GRAMD4: variants seen among roughly 807,000 people sequenced by gnomAD.
The protein encoded by GRAMD4 is GRAM domain-containing protein 4.
A neutral mutation model predicts 83.9 loss-of-function variants in GRAMD4; 25 were observed. That is an observed-to-expected ratio of 0.30 (90% confidence interval 0.22 to 0.42). The LOEUF is 0.42. Ranked by LOEUF, GRAMD4 falls within the 10% of genes least tolerant of loss-of-function variation. The pLI, the probability that GRAMD4 is intolerant of heterozygous loss-of-function variation, is 1.00. For missense variants in GRAMD4, 593 were observed against 788.7 expected (o/e 0.75, Z 2.97); for synonymous variants, 336 against 320.9 (o/e 1.05, Z -0.50).
At chr22:46,609,208 G>C (rs1388747443) in intron 1 of GRAMD4, among the ~76,000 whole-genome samples, 1 of 152,224 alleles carries the variant, frequency 6.6e-6, no homozygotes, top group Non-Finnish European at 1.5e-5. Context: ...CCGCTGAGTG[G>C]CGCTGGTTGC....
Position 46,668,927 on chromosome 22 carries a change from G to A in GRAMD4, c.1084+19G>A, listed in dbSNP as rs181704058. 447 of 1,397,654 alleles carry A rather than the reference G, an allele frequency of 3.2e-4. 2 individuals carry two copies. The highest frequency in any genetic ancestry group is 1.3e-3 in the Middle Eastern group (7 of 5,476). 86.6% of individuals were successfully genotyped at this position (1,397,654 alleles called of 1,614,324 possible). ...GCCGTGGGTAAGTAGATGCACCTGC[G>A]GCCTGTAGCTTCAGGAGGAGGGACA... On this transcript the variant is annotated intron_variant, in intron 13 of 18. Coordinates refer to ENST00000406902, the MANE Select transcript of GRAMD4 (RefSeq NM_015124.5).
At chr22:46,591,120 G>A (rs554562270) in intron 1 of GRAMD4, among the ~76,000 whole-genome samples, 10 of 152,302 alleles carry the variant, frequency 6.6e-5, no homozygotes, top group Non-Finnish European at 1.0e-4. Context: ...CAAGAGCCCT[G>A]GAATGGCCTA....
intron 3 of GRAMD4, among the ~76,000 whole-genome samples, chr22:46,656,644 C>T (rs921221476): frequency 1.3e-5 from 2 of 152,236 alleles, no homozygotes; most frequent in African/African-American, 2.4e-5. Flanking sequence ...GGCTTAGAAG[C>T]CTGCCTTCAG....
intron 1 of GRAMD4, among the ~76,000 whole-genome samples, chr22:46,579,904 G>A (rs536901061): frequency 1.3e-5 from 2 of 152,226 alleles, no homozygotes; most frequent in South Asian, 2.1e-4. Flanking sequence ...GGCCATGGTG[G>A]GGACTTGGGT....
chr22:46,648,260 T>C (rs2082099804), intron 3 of GRAMD4, among the ~76,000 whole-genome samples: 1 of 137,686 alleles, frequency 7.3e-6, no homozygotes, highest in African/African-American at 2.8e-5. Context: ...ATAGGTAGAT[T>C]AGGTAAATGG....
chr22:46,611,989 TC>T (rs1440171205), intron 1 of GRAMD4, among the ~76,000 whole-genome samples: 1 of 87,066 alleles, frequency 1.1e-5, no homozygotes, highest in African/African-American at 4.9e-5. Context: ...ACAGCGAGAC[TC>T]CATCTCAAAA....
rs375658129 is a variant in GRAMD4 at position 46,677,302 on chromosome 22, CTT to C, written c.*63_*64del. On this transcript the variant is annotated 3_prime_UTR_variant, in exon 19 of 19. Transcript: ENST00000406902. The stretch of plus-strand genomic sequence containing the variant: ...GAATTTTCTTTTTCTTTTTCTTTTT[CTT>C]TTTTTTTTTTTACGATTTGGTAGTG... The C allele has an allele frequency of 3.6e-3, 4,749 of 1,302,864 alleles. No homozygotes were observed. Among genetic ancestry groups the C allele is most frequent in the South Asian group, 7.3e-3 (503 of 69,062 alleles). The allele number at this position is 1,302,864 out of a possible 1,614,324, so 80.7% of individuals were successfully genotyped here.
chr22:46,644,751 G>T (rs2147261175), intron 3 of GRAMD4, among the ~76,000 whole-genome samples: 6 of 111,218 alleles, frequency 5.4e-5, no homozygotes, highest in African/African-American at 1.0e-4. Flanking sequence ...TTTTGTTTTT[G>T]AGATAGGGTC....
intron 3 of GRAMD4, among the ~76,000 whole-genome samples, chr22:46,648,803 CATGGATGG>C (rs34423766): frequency 1.1e-4 from 3 of 27,250 alleles, no homozygotes; most frequent in Admixed American, 3.6e-4. Context: ...TGGATGGATG[CATGGATGG>C]ATGGATGGAT....
chr22:46,605,874 C>G lies in GRAMD4; in HGVS notation c.-49-20877C>G, dbSNP rs62233572. 1.3e-3 allele frequency among the ~76,000 whole-genome samples: 181 copies of G among 137,806 alleles called. 1 individual carries two copies. The highest frequency in any genetic ancestry group is 9.4e-4 in the East Asian group (4 of 4,252). 90.4% of individuals were successfully genotyped at this position (137,806 alleles called of 152,430 possible). On this transcript the variant is annotated intron_variant, in intron 1 of 1. Transcript: ENST00000431155. ...TGGGTTTATGGCCGGTGCTGAGCATCTCTGCATGGGCTTATGGCCGGTGCT... is the reference window on the plus strand; with the variant it reads ...TGGGTTTATGGCCGGTGCTGAGCATGTCTGCATGGGCTTATGGCCGGTGCT...
chr22:46,679,880 C>T, downstream of GRAMD4: 2 of 711,392 alleles, frequency 2.8e-6, no homozygotes, highest in Non-Finnish European at 3.5e-6. Context: ...GTGCCGCTGC[C>T]AGCCCGCCAC....
chr22:46,660,895 G>A (rs377301669), intron 4 of GRAMD4, among the ~76,000 whole-genome samples: 95 of 152,214 alleles, frequency 6.2e-4, no homozygotes, highest in African/African-American at 2.1e-3. Context: ...GGTGTGGGAC[G>A]GAAGCAGACC....
chr22:46,658,314 C>A lies in GRAMD4; in HGVS notation c.404+7C>A. 1 of 1,601,434 alleles carries A rather than the reference C, an allele frequency of 6.2e-7. No homozygotes were observed. The highest frequency in any genetic ancestry group is 8.5e-7 in the Non-Finnish European group (1 of 1,175,608). On this transcript the variant is annotated splice_region_variant and intron_variant, in intron 4 of 18. Transcript: ENST00000406902. ...AGGAGGTGCTGAAGGCCAGGTACCG[C>A]GCCTTCCTCGGGGCCCTGGCCTGTG...
chr22:46,577,250 C>G (rs1482319314), exon 1 of GRAMD4: 72 of 977,252 alleles, frequency 7.4e-5, no homozygotes, highest in Non-Finnish European at 8.2e-5. Context: ...AGGGGGGCGC[C>G]GCGGCGGGTG....
chr22:46,668,538 TG>T, intron 11 of GRAMD4, 150 bp from the exon 12 acceptor site: 1 of 777,984 alleles, frequency 1.3e-6, no homozygotes, highest in Non-Finnish European at 2.3e-6. Context: ...AGACCAGAGC[TG>T]GGCCTTCCCC....
intron 3 of GRAMD4, among the ~76,000 whole-genome samples, chr22:46,648,727 CATGGATGG>C (rs1337896100): frequency 1.7e-4 from 10 of 59,728 alleles, no homozygotes; most frequent in African/African-American, 6.3e-4. Context: ...TGGATGGATG[CATGGATGG>C]ATGGATGGAT....
chr22:46,673,841 G>A, intron 15 of GRAMD4, 27 bp downstream of exon 15: 1 of 1,611,196 alleles, frequency 6.2e-7, no homozygotes, highest in Admixed American at 1.7e-5. Context: ...TCTGAGGCCA[G>A]GCCGAGCGCC....
chr22:46,617,501 G>A (rs1467618508), upstream of GRAMD4, among the ~76,000 whole-genome samples: 2 of 151,810 alleles, frequency 1.3e-5, no homozygotes, highest in Admixed American at 6.6e-5. Context: ...AGGTTTCCCC[G>A]TGTGTAGGTT....
chr22:46,604,020 T>G (rs147902586), intron 1 of GRAMD4, among the ~76,000 whole-genome samples: 23 of 152,360 alleles, frequency 1.5e-4, no homozygotes, highest in Non-Finnish European at 2.8e-4. Flanking sequence ...GCTTCCTAGA[T>G]GTCCCAACGT....
Sources: allele counts gnomAD v4.1 joint callset (sites outside exome capture counted in the v4.1 genomes callset), GRCh38; gene constraint gnomAD v4.1.1; transcripts MANE v1.5; gene names NCBI Gene and HGNC (gene_info 2026-07-23, HGNC 2026-07-21).